LMAN1L: variants seen among roughly 807,000 people sequenced by gnomAD.
The protein encoded by LMAN1L is protein ERGIC-53-like.
LMAN1L carries 60 observed loss-of-function variants against 58.3 expected under a neutral mutation model. The ratio of observed to expected loss-of-function variants is 1.03; its 90% CI spans 0.84 to 1.27. The LOEUF is 1.27. Among genes scored for constraint, LMAN1L ranks in the 50% most tolerant of loss-of-function variants. LMAN1L has a pLI of 0.00. For synonymous variants in LMAN1L, 280 were observed against 271.6 expected (o/e 1.03, Z -0.31); for missense variants, 629 against 674.0 (o/e 0.93, Z 0.74).
chr15:74,824,615 C>T (rs972266622), intron 13 of LMAN1L, 137 bp downstream of exon 13: 21 of 991,110 alleles, frequency 2.1e-5, no homozygotes, highest in African/African-American at 1.9e-4. Flanking sequence ...GAGCACAGTG[C>T]GGGATAGGGC....
intron 1 of LMAN1L, chr15:74,813,467 A>G (rs1448616944): frequency 2.2e-6 from 1 of 457,620 alleles, no homozygotes; most frequent in African/African-American, 2.0e-5. Flanking sequence ...GGAGGGAAGC[A>G]TCCTCATCCC....
intron 1 of LMAN1L, among the ~76,000 whole-genome samples, chr15:74,813,657 G>T (rs756794757): frequency 6.6e-5 from 10 of 152,370 alleles, no homozygotes; most frequent in Non-Finnish European, 1.5e-4. Context: ...GATAGAGGGA[G>T]TGAGCAAGAA....
In LMAN1L at chr15:74,821,699, G is replaced by T. The variant is rs2063917562; in HGVS notation, c.1060-130G>T. 3 of 654,746 alleles carry T rather than the reference G, an allele frequency of 4.6e-6. No individual in the cohort carries two copies. The Admixed American group carries it at 7.6e-5, about 17-fold the overall frequency. The allele number at this position is 654,746 out of a possible 1,614,324, so 40.6% of individuals were successfully genotyped here. On this transcript the variant is annotated intron_variant, in intron 9 of 13. Coordinates refer to ENST00000309664, the MANE Select transcript of LMAN1L (RefSeq NM_021819.3). ...GGCAGAGGAGGCCAGCAGCTCTTGT[G>T]GGCTTTGCTGGGCTCTGACAGCTCG...
chr15:74,820,190 C>T lies in LMAN1L; in HGVS notation c.774+91C>T. The T allele has an allele frequency of 5.2e-6, 6 of 1,148,548 alleles. No individual in the cohort carries two copies. In the South Asian group the frequency reaches 6.1e-5, roughly 12 times the overall value. The allele number at this position is 1,148,548 out of a possible 1,614,324, so 71.1% of individuals were successfully genotyped here. Reference sequence around the variant, plus strand: ...TGCCCTCAGACCTGCCATTCCAGCCCTTACCTCCACCTGGCCTCTGAGCTC... The same window carrying T: ...TGCCCTCAGACCTGCCATTCCAGCCTTTACCTCCACCTGGCCTCTGAGCTC... On this transcript the variant is annotated intron_variant, in intron 7 of 13. Transcript: ENST00000309664.
At position 74,825,032 on chromosome 15, in the gene LMAN1L, G is replaced by T. The variant is rs537767431; in HGVS notation, c.1452-444G>T. On this transcript the variant is annotated intron_variant, in intron 13 of 13. Coordinates refer to ENST00000309664, the MANE Select transcript of LMAN1L (RefSeq NM_021819.3). ...AAGAGATCTGAAAAAGTGAGAGGAG[G>T]TCACTAGTTTTGCTTGGTGTGTGTT... is the stretch of plus-strand genomic sequence containing the variant. 5.7e-5 allele frequency: 9 copies of T among 158,968 alleles called. No homozygotes were observed. In the East Asian group the frequency reaches 1.5e-3, roughly 26 times the overall value. The allele number at this position is 158,968 out of a possible 1,614,324, so 9.8% of individuals were successfully genotyped here.
Position 74,825,495 on chromosome 15 carries a change from C to T in LMAN1L, c.1471C>T (p.Leu491Phe), listed in dbSNP as rs1043988709. 1 of 1,613,410 alleles carries T rather than the reference C, an allele frequency of 6.2e-7. No individual in the cohort carries two copies. Among genetic ancestry groups the T allele is most frequent in the Non-Finnish European group, 8.5e-7 (1 of 1,179,482 alleles). Residue 491 changes from leucine to phenylalanine, a missense_variant, in exon 14 of 14, where the codon CTT becomes TTT. Physicochemically the swap from Leu to Phe is conservative, Grantham distance 22 (BLOSUM62 0). Transcript: ENST00000309664. Reference protein sequence around the residue: ...VHFRQELNKSLQECLSTGSLP... With the variant: ...VHFRQELNKSFQECLSTGSLP... ...CAGCAGGCAGGAGCTGAACAAGAGC[C>T]TTCAGGAGTGTCTGTCCACAGGCAG...
In LMAN1L at chr15:74,819,186, C is replaced by A; in HGVS notation, c.632C>A (p.Pro211Gln). ...SLNSGLTPSD[P>Q]GEFCVDVGPL... The stretch of plus-strand genomic sequence containing the variant: ...AACAGTGGCCTCACTCCCAGTGATC[C>A]AGGTGAGTTCTGTGTGGATGTGGGG... The change falls in exon 6 of 14, where the codon CCA (proline) becomes CAA (glutamine). Residue 211 changes from proline to glutamine, a missense_variant. Around this residue, in one of 3 missense-constraint regions of LMAN1L, gnomAD observed 573 missense variants for 597.3 expected, o/e 0.96. Coordinates refer to ENST00000309664, the MANE Select transcript of LMAN1L (RefSeq NM_021819.3). 2 of 1,613,906 alleles carry A rather than the reference C, an allele frequency of 1.2e-6. No homozygotes were observed. The highest frequency in any genetic ancestry group is 1.7e-6 in the Non-Finnish European group (2 of 1,179,860).
intron 1 of LMAN1L, 36 bp downstream of exon 1, chr15:74,813,065 G>T: frequency 6.3e-7 from 1 of 1,584,156 alleles, no homozygotes; most frequent in Non-Finnish European, 8.6e-7. Flanking sequence ...TATGCCCAGG[G>T]TCCCTCAAAG....
At chr15:74,813,562 C>A in intron 1 of LMAN1L, 1 of 424,408 alleles carries the variant, frequency 2.4e-6, no homozygotes. Flanking sequence ...GGTTTGTATT[C>A]AGGGACTTCC....
At chr15:74,815,479 G>A (rs182539284) in intron 1 of LMAN1L, among the ~76,000 whole-genome samples, 7 of 152,082 alleles carry the variant, frequency 4.6e-5, no homozygotes, top group East Asian at 1.9e-4. Context: ...CTTCCTCCCC[G>A]CCCCACCACC....
At chr15:74,816,770 C>G (rs1323770119) in intron 4 of LMAN1L, 80 bp downstream of exon 4, 1 of 1,339,584 alleles carries the variant, frequency 7.5e-7, no homozygotes, top group East Asian at 2.5e-5. Context: ...AGCCCCTGCC[C>G]CAGCCTCCTC....
chr15:74,821,744 G>C, intron 9 of LMAN1L, 85 bp from the exon 10 acceptor site: 1 of 873,614 alleles, frequency 1.1e-6, no homozygotes, highest in Non-Finnish European at 1.8e-6. Flanking sequence ...TCTTGTGTCA[G>C]AGCAGCTTAG....
At position 74,822,722 on chromosome 15, in the gene LMAN1L, G is replaced by C; in HGVS notation, c.1199+13G>C. The C allele has an allele frequency of 6.2e-7, 1 of 1,608,972 alleles. No individual in the cohort carries two copies. The highest frequency in any genetic ancestry group is 1.1e-5 in the South Asian group (1 of 90,986). On this transcript the variant is annotated intron_variant, in intron 11 of 13. Transcript: ENST00000309664. ...TGCAAGAGATGAGGTAAGGGACTGG[G>C]TGGGGACCCCTCCACCACCTTGTTT...
rs111973536 is a variant in LMAN1L, at chr15:74,818,751, T to C, written c.531T>C (p.His177=). The change falls in exon 5 of 14, where the codon CAT becomes CAC. Residue 177 remains histidine, a synonymous_variant. Transcript: ENST00000309664. ...CTAGCCAAGGGCTGGGCTCCTGTCA[T>C]TGGGACTTCCGGAACCGGCCACACC... ...DGASQGLGSC[H]WDFRNRPHPF... 5.7e-5 allele frequency: 92 copies of C among 1,611,654 alleles called. No homozygotes were observed. In the East Asian group the frequency reaches 8.9e-4, roughly 16 times the overall value.
Position 74,825,620 on chromosome 15 carries a change from T to A in LMAN1L, c.*15T>A. ...TGCCTGCCTGACCCACCTCAGAGCC[T>A]GCTTTGCATCACTGGGAAGCAGGCA... On this transcript the variant is annotated 3_prime_UTR_variant, in exon 14 of 14. Transcript: ENST00000309664. 6.2e-7 allele frequency: 1 copy of A among 1,604,758 alleles called. No individual in the cohort carries two copies. The highest frequency in any genetic ancestry group is 8.5e-7 in the Non-Finnish European group (1 of 1,174,364).
rs201755074 is a variant in LMAN1L at position 74,821,901 on chromosome 15, G to A, written c.1131+1G>A. 4.9e-5 allele frequency: 79 copies of A among 1,603,702 alleles called. 3 individuals are homozygous for A. The highest frequency in any genetic ancestry group is 2.6e-6 in the Non-Finnish European group (3 of 1,170,960). ...CCACCTCTCCATGTCACTCAATAAG[G>A]TAGGGACCCAAACACTGGGTGTTGA... On this transcript the variant is annotated splice_donor_variant, in intron 10 of 13. Coordinates refer to ENST00000309664, the MANE Select transcript of LMAN1L (RefSeq NM_021819.3). LOFTEE classifies it high-confidence loss of function.
At chr15:74,816,806 C>A in intron 4 of LMAN1L, 116 bp downstream of exon 4, 1 of 1,005,882 alleles carries the variant, frequency 9.9e-7, no homozygotes, top group Non-Finnish European at 1.4e-6. Flanking sequence ...CCTGCCGGGC[C>A]GCCATACTTG....
chr15:74,819,862 A>G, intron 6 of LMAN1L, 182 bp from the exon 7 acceptor site: 1 of 651,944 alleles, frequency 1.5e-6, no homozygotes, highest in East Asian at 2.7e-5. Context: ...AACCCTCACC[A>G]CCCACCCGTC....
chr15:74,814,199 T>C (rs1003271473), intron 1 of LMAN1L, among the ~76,000 whole-genome samples: 1 of 140,598 alleles, frequency 7.1e-6, no homozygotes, highest in African/African-American at 2.5e-5. Context: ...AAAATATCCC[T>C]TTTTTTTTTG....
Sources: allele counts gnomAD v4.1 joint callset (sites outside exome capture counted in the v4.1 genomes callset), GRCh38; gene constraint gnomAD v4.1.1; regional missense constraint gnomAD v4.1.1; transcripts MANE v1.5; gene names NCBI Gene and HGNC (gene_info 2026-07-23, HGNC 2026-07-21).